Variants in MAP7D3 observed in about 807,000 individuals in gnomAD.
The protein encoded by MAP7D3 is MAP7 domain containing 3, also known as MAP7 domain-containing protein 3.
In MAP7D3, 45 loss-of-function variants were observed where a neutral mutation model predicts 62.2. The observed-to-expected ratio is 0.72, with a 90% CI of 0.57 to 0.93. The LOEUF is 0.93. MAP7D3 is among the 40% of genes least tolerant of loss of function. The pLI is 0.00. For missense variants in MAP7D3, 711 were observed against 683.1 expected, an observed-to-expected ratio of 1.04 and a Z score of -0.45; for synonymous variants, 288 against 248.8, an observed-to-expected ratio of 1.16 and a Z score of -1.48.
At chrX:136,250,846 C>G (rs1450051006) in intron 1 of MAP7D3, among the ~76,000 whole-genome samples, 1 of 111,707 alleles carries the variant, frequency 9.0e-6, no homozygotes, top group Non-Finnish European at 1.9e-5. Context: ...CGCGGAGTCC[C>G]TGCGGGCGCC....
At chrX:136,227,207 A>C in intron 12 of MAP7D3, 77 bp downstream of exon 12, 291 of 864,850 alleles carry the variant, frequency 3.4e-4, no homozygotes, top group Non-Finnish European at 4.4e-4. Flanking sequence ...TCTCAGAGAC[A>C]GAGATTTTTG....
intron 6 of MAP7D3, among the ~76,000 whole-genome samples, chrX:136,236,703 C>T (rs991998529): frequency 8.1e-5 from 9 of 111,672 alleles, no homozygotes; most frequent in South Asian, 3.7e-4. Flanking sequence ...AAGATATATA[C>T]GTATACACAC....
At chrX:136,226,626 G>A in intron 12 of MAP7D3, among the ~76,000 whole-genome samples, 1 of 111,666 alleles carries the variant, frequency 9.0e-6, no homozygotes, top group Non-Finnish European at 1.9e-5. Flanking sequence ...TCCAGTTGAT[G>A]GAGTTGTATA....
At chrX:136,248,850 G>A (rs1295611889) in intron 1 of MAP7D3, among the ~76,000 whole-genome samples, 1 of 112,142 alleles carries the variant, frequency 8.9e-6, no homozygotes, top group East Asian at 2.8e-4. Flanking sequence ...CACACAGGTA[G>A]TAAGTGGTGA....
intron 4 of MAP7D3, among the ~76,000 whole-genome samples, chrX:136,242,613 G>T (rs571213792): frequency 4.5e-5 from 5 of 111,161 alleles, no homozygotes; most frequent in African/African-American, 1.6e-4. Flanking sequence ...CTCCCTTTCT[G>T]TCTGCAGTGT....
rs1368223664 is a variant in MAP7D3 at position 136,246,426 on chromosome X, T to C, written c.71-85A>G. The C allele has an allele frequency of 8.6e-6, 5 of 584,589 alleles. No homozygotes were observed. The African/African-American group carries it at 9.0e-5, about 11-fold the overall frequency. 48.2% of individuals were successfully genotyped at this position (584,589 alleles called of 1,213,427 possible). ...TCAGCAAACCACGGCCAATTGTATTTGATGATAAAGGATAGGATCACTTCT... is the reference window on the plus strand; with the variant it reads ...TCAGCAAACCACGGCCAATTGTATTCGATGATAAAGGATAGGATCACTTCT... On this transcript the variant is annotated intron_variant, in intron 1 of 18. Transcript: ENST00000316077.
chrX:136,226,099 A>G (rs992718764), intron 12 of MAP7D3, 86 bp from the exon 13 acceptor site: 5 of 606,240 alleles, frequency 8.2e-6, no homozygotes, highest in South Asian at 3.1e-5. Flanking sequence ...TCAATGGTAA[A>G]TGTTATCTAG....
rs760583769 is a variant in MAP7D3 at position 136,246,256 on chromosome X, C to T, written c.156G>A (p.Ser52=). The T allele has an allele frequency of 5.9e-6, 7 of 1,192,420 alleles. No individual in the cohort carries two copies. In the Admixed American group the frequency reaches 8.7e-5, roughly 15 times the overall value. The change falls in exon 2 of 19, where the codon TCG becomes TCA. Residue 52 remains serine, a synonymous_variant. Transcript: ENST00000316077. ...RVATHSSNIR[S]TFKPVIDGSM... The stretch of plus-strand genomic sequence containing the variant: ...GAGAAATTATACCTGGTTTAAATGT[C>T]GATCTTATATTTGAGGAATGGGTTG...
chrX:136,233,769 TTTAG>T (rs1275551364), intron 7 of MAP7D3, among the ~76,000 whole-genome samples: 35 of 110,934 alleles, frequency 3.2e-4, no homozygotes, highest in African/African-American at 1.0e-3. Context: ...GAATAAAGCT[TTTAG>T]TTAAATTAAA....
In MAP7D3 at chrX:136,232,010, T is replaced by C. The variant is rs1205698999; in HGVS notation, c.947A>G (p.Asn316Ser). 6 of 1,211,632 alleles carry C rather than the reference T, an allele frequency of 5.0e-6. No individual in the cohort carries two copies. The highest frequency in any genetic ancestry group is 6.7e-6 in the Non-Finnish European group (6 of 895,262). ...PPQVNVEVFC[N>S]TSMEASPKAG... ...CTTGGGGGACGCTTCCATGCTTGTGTTGCAGAATACTTCCACATTCACCTG... is the reference window on the plus strand; with the variant it reads ...CTTGGGGGACGCTTCCATGCTTGTGCTGCAGAATACTTCCACATTCACCTG... Residue 316 changes from asparagine (N) to serine (S), a missense_variant, in exon 8 of 19, where the codon AAC (asparagine) becomes AGC (serine). Transcript: ENST00000316077.
rs1364404601 is a variant in MAP7D3 at position 136,228,632 on chromosome X, AT to A, written c.1876del (p.Met626CysfsTer25). Reference protein sequence around the residue: ...KEEEERQREEMQQRVIKKSKD... With the variant: ...KEEEERQREEXQQRVIKKSKD... ...AAGACTTTGTGCTGACCTTTGCTGC[AT>A]TTCTTCCCGTTGTCTTTCTTCTTCC... On this transcript the variant is annotated frameshift_variant, in exon 11 of 19. Transcript: ENST00000316077. LOFTEE classifies it high-confidence loss of function. The A allele has an allele frequency of 1.7e-6, 2 of 1,206,429 alleles. No individual in the cohort carries two copies. Among genetic ancestry groups the A allele is most frequent in the Non-Finnish European group, 2.2e-6 (2 of 893,193 alleles).
upstream of MAP7D3, among the ~76,000 whole-genome samples, chrX:136,255,520 C>A (rs995991209): frequency 1.2e-4 from 13 of 111,139 alleles, no homozygotes; most frequent in African/African-American, 3.3e-4. Context: ...GAAGCCCTGC[C>A]CTCTAGGGTC....
chrX:136,242,038 A>T (rs1374978194), intron 4 of MAP7D3, among the ~76,000 whole-genome samples: 1 of 111,147 alleles, frequency 9.0e-6, no homozygotes, highest in Non-Finnish European at 1.9e-5. Context: ...TTTCCCTAAC[A>T]ACAACCGTTT....
At chrX:136,251,490 G>A (rs1465513069), upstream of MAP7D3, 8 of 824,611 alleles carry the variant, frequency 9.7e-6, no homozygotes, top group Non-Finnish European at 1.2e-5. Flanking sequence ...GGGCCCGAAG[G>A]GCCACCGCGC....
At chrX:136,245,461 T>C (rs2074436550) in intron 3 of MAP7D3, among the ~76,000 whole-genome samples, 1 of 111,913 alleles carries the variant, frequency 8.9e-6, no homozygotes, top group Non-Finnish European at 1.9e-5. Flanking sequence ...AGAATAACTT[T>C]TACTGGCCAG....
chrX:136,256,370 C>A (rs2074551503), upstream of MAP7D3: 2 of 1,131,326 alleles, frequency 1.8e-6, no homozygotes. Context: ...CCCACTGCAG[C>A]ACTGCTCCCC....
chrX:136,230,196 T>G (rs2148406652), intron 10 of MAP7D3, among the ~76,000 whole-genome samples, 189 bp downstream of exon 10: 1 of 108,863 alleles, frequency 9.2e-6, no homozygotes, highest in South Asian at 4.0e-4. Flanking sequence ...AGAAGAAAGC[T>G]TTGGCAAGGA....
At chrX:136,248,703 T>C (rs1054525249) in intron 1 of MAP7D3, among the ~76,000 whole-genome samples, 1 of 112,410 alleles carries the variant, frequency 8.9e-6, no homozygotes, top group Admixed American at 9.4e-5. Flanking sequence ...ACATATTATA[T>C]ACCATTTCAC....
intron 1 of MAP7D3, among the ~76,000 whole-genome samples, chrX:136,248,039 A>G (rs2074467737): frequency 1.8e-5 from 2 of 111,393 alleles, no homozygotes; most frequent in Admixed American, 1.9e-4. Flanking sequence ...CAACATGGCA[A>G]ACTCCCATCT....
Sources: allele counts gnomAD v4.1 joint callset (sites outside exome capture counted in the v4.1 genomes callset), GRCh38; gene constraint gnomAD v4.1.1; transcripts MANE v1.5; gene names NCBI Gene and HGNC (gene_info 2026-07-23, HGNC 2026-07-21).